IGSF21: variants seen among roughly 807,000 people sequenced by gnomAD.
IGSF21 encodes the protein immunoglobin superfamily member 21.
A neutral mutation model predicts 46.8 loss-of-function variants in IGSF21; 28 were observed. That is an observed-to-expected ratio of 0.60 (90% CI 0.44 to 0.82). IGSF21 has a LOEUF of 0.82. Among genes scored for constraint, IGSF21 ranks in the 40% least tolerant of loss-of-function variants. The pLI is 0.00. For missense variants in IGSF21, 624 were observed against 665.5 expected (o/e 0.94, Z 0.69); for synonymous variants, 284 against 273.6 (o/e 1.04, Z -0.38).
intron 3 of IGSF21, among the ~76,000 whole-genome samples, chr1:18,305,578 TATGG>T (rs1217525571): frequency 4.2e-5 from 2 of 47,768 alleles, no homozygotes; most frequent in Admixed American, 5.8e-4. Context: ...ATGGATGGAT[TATGG>T]ATGGATGGAT....
At chr1:18,264,476 A>C (rs1397859034) in intron 2 of IGSF21, among the ~76,000 whole-genome samples, 1 of 152,096 alleles carries the variant, frequency 6.6e-6, no homozygotes, top group Non-Finnish European at 1.5e-5. Context: ...TTGCACACTG[A>C]GCCTTAGTTT....
At chr1:18,141,581 G>T (rs940126660) in intron 1 of IGSF21, among the ~76,000 whole-genome samples, 2 of 152,126 alleles carry the variant, frequency 1.3e-5, no homozygotes, top group African/African-American at 4.8e-5. Flanking sequence ...AGAAGCATAT[G>T]ACTGAGAGTG....
chr1:18,225,085 T>TCTCTCTCA lies in IGSF21; in HGVS notation c.71-2812_71-2811insTCTCTCAC. On this transcript the variant is annotated intron_variant, in intron 1 of 9. Coordinates refer to ENST00000251296, the MANE Select transcript of IGSF21 (RefSeq NM_032880.5). ...GTATCTCTCTCTCTCTCTCTCTCTC[T>TCTCTCTCA]CACACACACACACACACACACACAC... 2.6e-3 allele frequency among the ~76,000 whole-genome samples: 132 copies of TCTCTCTCA among 51,614 alleles called. 3 individuals carry two copies. Among genetic ancestry groups the TCTCTCTCA allele is most frequent in the African/African-American group, 9.0e-3 (128 of 14,196 alleles). 33.9% of individuals were successfully genotyped at this position (51,614 alleles called of 152,430 possible).
intron 1 of IGSF21, among the ~76,000 whole-genome samples, chr1:18,204,664 T>C (rs769383281): frequency 6.6e-6 from 1 of 152,112 alleles, no homozygotes; most frequent in Non-Finnish European, 1.5e-5. Context: ...GCAGTGTGTG[T>C]CTGATCTCCC....
chr1:18,342,040 G>C (rs1265029112), intron 4 of IGSF21, among the ~76,000 whole-genome samples: 1 of 133,998 alleles, frequency 7.5e-6, no homozygotes, highest in Non-Finnish European at 1.6e-5. Context: ...AAGTGTGCCT[G>C]GTGCATTTTC....
intron 2 of IGSF21, among the ~76,000 whole-genome samples, chr1:18,261,816 C>T (rs912866800): frequency 2.0e-5 from 3 of 152,176 alleles, no homozygotes; most frequent in Admixed American, 1.3e-4. Flanking sequence ...AGCCCCCCGA[C>T]CCCTCAGACA....
chr1:18,152,470 C>T (rs1044868623), intron 1 of IGSF21, among the ~76,000 whole-genome samples: 1 of 152,202 alleles, frequency 6.6e-6, no homozygotes, highest in African/African-American at 2.4e-5. Flanking sequence ...CAGTTCCAAA[C>T]AGTCTTGAGC....
In IGSF21 at chr1:18,335,158, G is replaced by T; in HGVS notation, c.424+148G>T. On this transcript the variant is annotated intron_variant, in intron 4 of 9. Transcript: ENST00000251296. The surrounding 1 kb of genome is among the most constrained non-coding windows in gnomAD (Gnocchi z 4.8). ...GTCTTCCCTTTCCTGCTCTTGTTGTGGAGGGGCAACCAGACCAAGCTGAGC... is the reference window on the plus strand; with the variant it reads ...GTCTTCCCTTTCCTGCTCTTGTTGTTGAGGGGCAACCAGACCAAGCTGAGC... The T allele has an allele frequency of 1.5e-6, 1 of 682,770 alleles. No homozygotes were observed. Among genetic ancestry groups the T allele is most frequent in the East Asian group, 2.7e-5 (1 of 36,408 alleles). The allele number at this position is 682,770 out of a possible 1,614,324, so 42.3% of individuals were successfully genotyped here.
At chr1:18,208,490 T>TCCTG (rs1232707762) in intron 1 of IGSF21, among the ~76,000 whole-genome samples, 4 of 146,368 alleles carry the variant, frequency 2.7e-5, no homozygotes, top group Non-Finnish European at 3.0e-5. Context: ...CACGCCATTC[T>TCCTG]CCTGCCTCAG....
At chr1:18,261,318 G>A (rs2084944873) in intron 2 of IGSF21, among the ~76,000 whole-genome samples, 1 of 152,216 alleles carries the variant, frequency 6.6e-6, no homozygotes, top group Admixed American at 6.5e-5. Flanking sequence ...TCTTAGGTAG[G>A]AGGTGGGACT....
intron 1 of IGSF21, among the ~76,000 whole-genome samples, chr1:18,175,864 T>C (rs1383113369): frequency 2.0e-5 from 3 of 152,184 alleles, no homozygotes; most frequent in Admixed American, 6.5e-5. Flanking sequence ...ATTAAAATAA[T>C]TGTACTAATA....
At position 18,372,741 on chromosome 1, in the gene IGSF21, AATGGATGG is replaced by A. The variant is rs891261942; in HGVS notation, c.1016-3561_1016-3554del. Among the ~76,000 whole-genome samples the A allele has an allele frequency of 3.6e-4, 45 of 126,336 alleles. 1 individual carries two copies. The East Asian group carries it at 9.1e-3, about 25-fold the overall frequency. The allele number at this position is 126,336 out of a possible 152,430, so 82.9% of individuals were successfully genotyped here. On this transcript the variant is annotated intron_variant, in intron 6 of 9. Coordinates refer to ENST00000251296, the MANE Select transcript of IGSF21 (RefSeq NM_032880.5). ...GGATGGATGAGTGTTTAGATGGATG[AATGGATGG>A]ATGGATGAATGGATGTTTGGATAGA... is the stretch of plus-strand genomic sequence containing the variant.
intron 2 of IGSF21, among the ~76,000 whole-genome samples, chr1:18,265,669 C>T (rs993019483): frequency 1.3e-5 from 2 of 152,218 alleles, no homozygotes; most frequent in African/African-American, 2.4e-5. Flanking sequence ...GAAGGGACAG[C>T]GTCCTCCCTG....
At chr1:18,278,207 CATTTATTTATTTATTTATTT>C (rs552817468) in intron 2 of IGSF21, among the ~76,000 whole-genome samples, 3 of 48,930 alleles carry the variant, frequency 6.1e-5, no homozygotes, top group Non-Finnish European at 1.0e-4. Context: ...TGGCTGCATT[CATTTATTTATTTATTTATTT>C]ATTTATTTAT....
At chr1:18,132,472 T>C (rs1309783993) in intron 1 of IGSF21, among the ~76,000 whole-genome samples, 1 of 152,170 alleles carries the variant, frequency 6.6e-6, no homozygotes, top group East Asian at 1.9e-4. Flanking sequence ...AGGTCAGTAT[T>C]AGAATCTGGG....
chr1:18,299,836 C>A (rs2085344352), intron 3 of IGSF21, among the ~76,000 whole-genome samples: 2 of 152,176 alleles, frequency 1.3e-5, no homozygotes, highest in South Asian at 4.1e-4. Flanking sequence ...CAAGTGGGAA[C>A]CTGGTCCCCC....
intron 1 of IGSF21, among the ~76,000 whole-genome samples, chr1:18,226,177 C>T (rs991175325): frequency 6.6e-6 from 1 of 152,216 alleles, no homozygotes; most frequent in African/African-American, 2.4e-5. Flanking sequence ...TTGTCATGCC[C>T]CATGGCTGGG....
chr1:18,194,911 A>G (rs1163085195), intron 1 of IGSF21, among the ~76,000 whole-genome samples: 1 of 152,232 alleles, frequency 6.6e-6, no homozygotes, highest in East Asian at 1.9e-4. Flanking sequence ...CCTCACAATC[A>G]TGGTGGAAGA....
At chr1:18,145,985 C>T (rs914289250) in intron 1 of IGSF21, among the ~76,000 whole-genome samples, 10 of 152,150 alleles carry the variant, frequency 6.6e-5, no homozygotes, top group African/African-American at 2.2e-4. Flanking sequence ...AGTGTGGCTT[C>T]TGCTGGGACA....
Sources: gnomAD v4.1 joint callset for allele counts (sites outside exome capture counted in the v4.1 genomes callset) on GRCh38, gnomAD v4.1.1 for gene constraint, Gnocchi (gnomAD v3.1) non-coding constraint, MANE v1.5 for transcripts, NCBI Gene and HGNC (gene_info 2026-07-23, HGNC 2026-07-21) for gene names.